ARID4A: variants seen among roughly 807,000 people sequenced by gnomAD.
The protein encoded by ARID4A is AT-rich interaction domain 4A, also known as AT-rich interactive domain-containing protein 4A.
ARID4A carries 39 observed loss-of-function variants against 148.6 expected under a neutral mutation model. That is an observed-to-expected ratio of 0.26 (90% CI 0.20 to 0.34). The LOEUF (loss-of-function observed/expected upper bound fraction) is 0.34. ARID4A is among the 10% of genes least tolerant of loss of function. The pLI is 1.00. For synonymous variants in ARID4A, 475 were observed against 481.2 expected (o/e 0.99, Z 0.17); for missense variants, 1,265 against 1,449.1 (o/e 0.87, Z 2.06).
At chr14:58,339,358 A>T (rs2033994235) in intron 11 of ARID4A, among the ~76,000 whole-genome samples, 1 of 152,108 alleles carries the variant, frequency 6.6e-6, no homozygotes, top group Non-Finnish European at 1.5e-5. Context: ...TACAATACAC[A>T]GTATAGGGAA....
intron 11 of ARID4A, among the ~76,000 whole-genome samples, chr14:58,340,159 G>A (rs1436055961): frequency 6.6e-6 from 1 of 152,064 alleles, no homozygotes; most frequent in East Asian, 1.9e-4. Context: ...TTATATATTT[G>A]GACAAGGGAT....
In ARID4A at chr14:58,365,583, C is replaced by A. The variant is rs1480005460; in HGVS notation, c.3277C>A (p.Arg1093=). ...AAAAAAGCAAAAGCGTACCCCAAAGCGAACAAGTGCTGCAGCCAAAAATGA... is the reference window on the plus strand; with the variant it reads ...AAAAAAGCAAAAGCGTACCCCAAAGAGAACAAGTGCTGCAGCCAAAAATGA... ...MAKKQKRTPK[R]TSAAAKNEKN... The change falls in exon 21 of 24, where the codon CGA becomes AGA. Residue 1093 remains arginine (R), a synonymous_variant. Coordinates refer to ENST00000355431, the MANE Select transcript of ARID4A (RefSeq NM_002892.4). 6.2e-7 allele frequency: 1 copy of A among 1,604,224 alleles called. No homozygotes were observed. Among genetic ancestry groups the A allele is most frequent in the African/African-American group, 1.4e-5 (1 of 73,446 alleles).
intron 4 of ARID4A, among the ~76,000 whole-genome samples, chr14:58,305,791 C>T (rs1256035116): frequency 6.6e-6 from 1 of 152,186 alleles, no homozygotes; most frequent in Non-Finnish European, 1.5e-5. Flanking sequence ...CGGCAATTTT[C>T]AGTGTGTAAA....
chr14:58,317,601 T>C (rs1435237889), intron 5 of ARID4A, among the ~76,000 whole-genome samples: 2 of 150,190 alleles, frequency 1.3e-5, no homozygotes, highest in Non-Finnish European at 3.0e-5. Flanking sequence ...AAAGTTTCTT[T>C]TTAAAAAAAC....
chr14:58,347,172 AT>A, intron 14 of ARID4A, 55 bp downstream of exon 14: 1 of 1,017,804 alleles, frequency 9.8e-7, no homozygotes, highest in Non-Finnish European at 1.4e-6. Flanking sequence ...AATATTTTCC[AT>A]TTACTTTGTT....
chr14:58,360,404 C>T (rs973259185), intron 18 of ARID4A, among the ~76,000 whole-genome samples: 1 of 152,124 alleles, frequency 6.6e-6, no homozygotes, highest in African/African-American at 2.4e-5. Flanking sequence ...ATGCTAGAAG[C>T]CAATACTAAA....
chr14:58,328,812 G>A (rs371343282), intron 9 of ARID4A, among the ~76,000 whole-genome samples: 1 of 151,920 alleles, frequency 6.6e-6, no homozygotes, highest in African/African-American at 2.4e-5. Flanking sequence ...GGCCAACATG[G>A]TGAAACCCTC....
intron 16 of ARID4A, 95 bp downstream of exon 16, chr14:58,351,418 C>CTTTTTTTTT: frequency 6.9e-7 from 1 of 1,449,386 alleles, no homozygotes; most frequent in Non-Finnish European, 9.3e-7. Context: ...GGAATGTTTT[C>CTTTTTTTTT]TTATTGGGAC....
intron 8 of ARID4A, 25 bp from the exon 9 acceptor site, chr14:58,328,212 A>G (rs75887271): frequency 0.022 from 31,864 of 1,471,520 alleles, 459 homozygotes; most frequent in Middle Eastern, 0.034. Context: ...AATAGGAATC[A>G]ATCTGTTCTT....
chr14:58,323,155 C>T (rs2033008597), intron 7 of ARID4A, among the ~76,000 whole-genome samples: 1 of 149,846 alleles, frequency 6.7e-6, no homozygotes, highest in Non-Finnish European at 1.5e-5. Flanking sequence ...AATAGAAGGG[C>T]AATCTTAAAA....
chr14:58,325,600 T>C (rs1432154304), intron 8 of ARID4A, among the ~76,000 whole-genome samples: 1 of 152,148 alleles, frequency 6.6e-6, no homozygotes, highest in Admixed American at 6.5e-5. Context: ...TTAACATAAG[T>C]ATGCCCCTTT....
chr14:58,301,251 G>A (rs1204540740), intron 2 of ARID4A, among the ~76,000 whole-genome samples: 2 of 151,684 alleles, frequency 1.3e-5, no homozygotes, highest in South Asian at 2.1e-4. Context: ...TATGATATGT[G>A]TAATATGAAA....
intron 9 of ARID4A, among the ~76,000 whole-genome samples, chr14:58,328,791 G>A (rs886072071): frequency 9.9e-5 from 15 of 151,934 alleles, no homozygotes; most frequent in East Asian, 1.9e-4. Context: ...TCAGGAGATC[G>A]AGACCATTCT....
chr14:58,333,521 T>C (rs1023760672), intron 11 of ARID4A, among the ~76,000 whole-genome samples: 1 of 152,074 alleles, frequency 6.6e-6, no homozygotes, highest in African/African-American at 2.4e-5. Context: ...TTGGGCCCTT[T>C]TAAAAATTTC....
At chr14:58,363,120 A>T (rs1319948134) in intron 19 of ARID4A, among the ~76,000 whole-genome samples, 1 of 152,210 alleles carries the variant, frequency 6.6e-6, no homozygotes, top group East Asian at 1.9e-4. Flanking sequence ...TACCACTGAA[A>T]GGGATTTTTT....
In ARID4A at chr14:58,365,489, TCAACATTCTCTCTTTCCCC is replaced by T; in HGVS notation, c.3212-28_3212-10del. 1 of 985,680 alleles carries T rather than the reference TCAACATTCTCTCTTTCCCC, an allele frequency of 1.0e-6. No homozygotes were observed. Among genetic ancestry groups the T allele is most frequent in the Non-Finnish European group, 1.4e-6 (1 of 691,394 alleles). 61.1% of individuals were successfully genotyped at this position (985,680 alleles called of 1,614,324 possible). On this transcript the variant is annotated splice_polypyrimidine_tract_variant and intron_variant, in intron 20 of 23. Transcript: ENST00000355431. ...GCTCTTTTTTTTTTTTTTTTTTTTTTCAACATTCTCTCTTTCCCCTTATTTCAGGTCAGAAGAGGCCAAG... is the reference window on the plus strand; with the variant it reads ...GCTCTTTTTTTTTTTTTTTTTTTTTTTTATTTCAGGTCAGAAGAGGCCAAG...
chr14:58,350,135 A>G (rs978603425), intron 15 of ARID4A, among the ~76,000 whole-genome samples: 1 of 146,000 alleles, frequency 6.8e-6, no homozygotes, highest in African/African-American at 2.5e-5. Context: ...AGCACCTGCC[A>G]CCTGCTATGT....
intron 15 of ARID4A, among the ~76,000 whole-genome samples, chr14:58,350,179 T>A (rs2034569918): frequency 1.2e-5 from 1 of 85,004 alleles, no homozygotes; most frequent in Admixed American, 1.2e-4. Flanking sequence ...GAGATGGAAG[T>A]GCCATCTTGG....
At chr14:58,348,632 T>A (rs1440326410) in intron 15 of ARID4A, among the ~76,000 whole-genome samples, 1 of 152,200 alleles carries the variant, frequency 6.6e-6, no homozygotes, top group African/African-American at 2.4e-5. Flanking sequence ...ATTTATCAAA[T>A]TTTAGAAAGA....
Sources: gnomAD v4.1 joint callset for allele counts (sites outside exome capture counted in the v4.1 genomes callset) on GRCh38, gnomAD v4.1.1 for gene constraint, MANE v1.5 for transcripts, NCBI Gene and HGNC (gene_info 2026-07-23, HGNC 2026-07-21) for gene names.